The following RSU1 variants were observed in gnomAD, a reference collection of about 807,000 sequenced individuals.
RSU1 encodes rsu-1.
In RSU1, 26 loss-of-function variants were observed where a neutral mutation model predicts 31.1. That is an observed-to-expected ratio of 0.84 (90% CI 0.61 to 1.16). RSU1 has a LOEUF of 1.16. Ranked by LOEUF, RSU1 falls within the 50% of genes most tolerant of loss-of-function variation. RSU1 has a pLI of 0.00. For missense variants in RSU1, 320 were observed against 339.1 expected, an observed-to-expected ratio of 0.94 and a Z score of 0.44; for synonymous variants, 164 against 136.3, an observed-to-expected ratio of 1.20 and a Z score of -1.41.
At chr10:16,786,064 C>T (rs1056435548) in intron 2 of RSU1, among the ~76,000 whole-genome samples, 1 of 152,118 alleles carries the variant, frequency 6.6e-6, no homozygotes, top group Admixed American at 6.5e-5. Context: ...TGGTGACTGG[C>T]ATTCTCTGTC....
intron 7 of RSU1, among the ~76,000 whole-genome samples, chr10:16,735,404 T>C (rs973087797): frequency 2.6e-5 from 4 of 152,004 alleles, no homozygotes. Flanking sequence ...TGTAAATGGG[T>C]AAGAAAAGAG....
At chr10:16,776,543 G>A (rs917906417) in intron 3 of RSU1, among the ~76,000 whole-genome samples, 4 of 151,360 alleles carry the variant, frequency 2.6e-5, no homozygotes, top group African/African-American at 9.7e-5. Context: ...CTACCTGCCT[G>A]GCCATTTCCG....
In RSU1 at chr10:16,664,177, C is replaced by T. The variant is rs969440137; in HGVS notation, c.731+30846G>A. Among the ~76,000 whole-genome samples the T allele has an allele frequency of 4.6e-5, 7 of 152,098 alleles. No homozygotes were observed. The South Asian group carries it at 8.3e-4, about 18-fold the overall frequency. ...GACTCTATTTTATAAGGAAGAAAGG[C>T]TTTATGTTAATTTTAGAAGTTTATG... On this transcript the variant is annotated intron_variant, in intron 8 of 8. Transcript: ENST00000345264.
intron 8 of RSU1, among the ~76,000 whole-genome samples, chr10:16,685,507 G>C (rs751980240): frequency 6.2e-4 from 94 of 152,208 alleles, no homozygotes; most frequent in Non-Finnish European, 6.6e-4. Context: ...ACAAGCGGTG[G>C]ATTATTCATT....
rs563109768 is a variant in RSU1 at position 16,624,856 on chromosome 10, C to A, written c.732-31360G>T. ...TGATTAAAAAAAGTTCAGACTGACT[C>A]CCGTCACAGGTTCCTAAGAAGAAAT... On this transcript the variant is annotated intron_variant, in intron 8 of 8. Coordinates refer to ENST00000345264, the MANE Select transcript of RSU1 (RefSeq NM_012425.4). Among the ~76,000 whole-genome samples, 6 of 152,216 alleles carry A rather than the reference C, an allele frequency of 3.9e-5. No homozygotes were observed. The East Asian group carries it at 9.7e-4, about 25-fold the overall frequency.
At chr10:16,621,267 T>C (rs1179114368) in intron 8 of RSU1, among the ~76,000 whole-genome samples, 1 of 152,146 alleles carries the variant, frequency 6.6e-6, no homozygotes, top group Non-Finnish European at 1.5e-5. Flanking sequence ...GCACAGGACA[T>C]CCTGGCCCAA....
intron 8 of RSU1, among the ~76,000 whole-genome samples, chr10:16,694,103 C>A (rs1248344748): frequency 1.3e-5 from 2 of 151,994 alleles, no homozygotes; most frequent in African/African-American, 2.4e-5. Context: ...GTGGAAGTGG[C>A]AGAATTCCTT....
intron 8 of RSU1, among the ~76,000 whole-genome samples, chr10:16,650,576 CTTTTTT>C (rs139231306): frequency 8.9e-6 from 1 of 112,556 alleles, no homozygotes. Context: ...TCCTGAAAAG[CTTTTTT>C]TTTTTTTTTT....
intron 7 of RSU1, among the ~76,000 whole-genome samples, chr10:16,738,778 G>C (rs907971779): frequency 6.6e-6 from 1 of 152,106 alleles, no homozygotes; most frequent in African/African-American, 2.4e-5. Flanking sequence ...TACCATGGTG[G>C]TTTGCTGCAC....
chr10:16,723,274 T>G (rs1374749004), intron 7 of RSU1: 1 of 152,100 alleles, frequency 6.6e-6, no homozygotes, highest in Non-Finnish European at 1.5e-5. Context: ...AGATCCAACG[T>G]TTTTTCAACC....
intron 7 of RSU1, among the ~76,000 whole-genome samples, chr10:16,726,639 G>A (rs1199468470): frequency 6.6e-6 from 1 of 152,122 alleles, no homozygotes. Flanking sequence ...TGACTGAAAT[G>A]TTTTTAGCTT....
intron 7 of RSU1, among the ~76,000 whole-genome samples, chr10:16,720,863 G>A (rs1836243127): frequency 1.3e-5 from 2 of 152,170 alleles, no homozygotes; most frequent in African/African-American, 4.8e-5. Flanking sequence ...GTGCACTCCT[G>A]TGGGCCCAAC....
At chr10:16,661,327 TG>T (rs34779202) in intron 8 of RSU1, among the ~76,000 whole-genome samples, 1 of 148,954 alleles carries the variant, frequency 6.7e-6, no homozygotes, top group Non-Finnish European at 1.5e-5. Context: ...TGTGTGTGTG[TG>T]TAAGTATTTA....
chr10:16,674,982 A>G (rs978434064), intron 8 of RSU1, among the ~76,000 whole-genome samples: 1 of 152,076 alleles, frequency 6.6e-6, no homozygotes, highest in South Asian at 2.1e-4. Flanking sequence ...GCAGTGAGCC[A>G]AGACTGTGCC....
chr10:16,656,765 A>T (rs544382251), intron 8 of RSU1, among the ~76,000 whole-genome samples: 1 of 152,370 alleles, frequency 6.6e-6, no homozygotes, highest in African/African-American at 2.4e-5. Context: ...TGCACAAAGC[A>T]AAGTGGCTTT....
intron 8 of RSU1, among the ~76,000 whole-genome samples, chr10:16,620,858 A>AG (rs1353853823): frequency 3.4e-5 from 5 of 148,436 alleles, no homozygotes; most frequent in Middle Eastern, 3.2e-3. Flanking sequence ...AAAAAAAAAA[A>AG]GTCTCAAAAA....
chr10:16,612,267 G>A (rs551361620), intron 8 of RSU1, among the ~76,000 whole-genome samples: 1 of 152,322 alleles, frequency 6.6e-6, no homozygotes, highest in East Asian at 1.9e-4. Flanking sequence ...ATGTATGCTT[G>A]AGGAAAATAG....
intron 8 of RSU1, among the ~76,000 whole-genome samples, chr10:16,638,185 T>G (rs1157723337): frequency 2.0e-5 from 3 of 152,180 alleles, no homozygotes; most frequent in Non-Finnish European, 4.4e-5. Flanking sequence ...CTATGGTCAA[T>G]TAAGTTTGGG....
chr10:16,729,054 T>G (rs935457559), intron 7 of RSU1, among the ~76,000 whole-genome samples: 1 of 152,256 alleles, frequency 6.6e-6, no homozygotes, highest in African/African-American at 2.4e-5. Context: ...TAAGGCACTA[T>G]GCAAACATAT....
Sources: gnomAD v4.1 joint callset for allele counts (sites outside exome capture counted in the v4.1 genomes callset) on GRCh38, gnomAD v4.1.1 for gene constraint, MANE v1.5 for transcripts, NCBI Gene and HGNC (gene_info 2026-07-23, HGNC 2026-07-21) for gene names.